The following LAMA2 variants were observed in gnomAD, a reference collection of about 807,000 sequenced individuals.
LAMA2 encodes laminin subunit alpha-2.
LAMA2 carries 269 observed loss-of-function variants against 364.8 expected under a neutral mutation model. The observed-to-expected ratio is 0.74, with a 90% CI of 0.67 to 0.82. The LOEUF (loss-of-function observed/expected upper bound fraction) is 0.82, where lower values mean the gene tolerates loss of function less well. LAMA2 is among the 40% of genes least tolerant of loss of function. The probability of loss-of-function intolerance (pLI) is 0.00; values close to 1 mark genes in which losing one functional copy is unlikely to be tolerated. For missense variants in LAMA2, 3,807 were observed against 3,873.2 expected, an observed-to-expected ratio of 0.98 and a Z score of 0.45; for synonymous variants, 1,379 against 1,370.6, an observed-to-expected ratio of 1.01 and a Z score of -0.14.
At chr6:129,295,568 A>G (rs766597333) in intron 20 of LAMA2, among the ~76,000 whole-genome samples, 1 of 152,212 alleles carries the variant, frequency 6.6e-6, no homozygotes, top group African/African-American at 2.4e-5. Context: ...GCTACAACTT[A>G]GCCTTTAAAG....
chr6:129,434,683 G>A, intron 41 of LAMA2, among the ~76,000 whole-genome samples: 1 of 151,992 alleles, frequency 6.6e-6, no homozygotes, highest in East Asian at 1.9e-4. Flanking sequence ...CTTACTTTTA[G>A]TTATGGATAC....
chr6:128,988,007 G>A (rs377221126), intron 1 of LAMA2, among the ~76,000 whole-genome samples: 5 of 152,094 alleles, frequency 3.3e-5, no homozygotes, highest in African/African-American at 1.2e-4. Context: ...TGGGATTACA[G>A]GCATCCGGCA....
At chr6:129,060,594 G>T (rs1293977957) in intron 3 of LAMA2, among the ~76,000 whole-genome samples, 1 of 152,184 alleles carries the variant, frequency 6.6e-6, no homozygotes, top group African/African-American at 2.4e-5. Flanking sequence ...CATCCTATTT[G>T]TATGCCTAAA....
intron 40 of LAMA2, among the ~76,000 whole-genome samples, chr6:129,420,595 T>TCTTTAAAAAGTTTA (rs1261491116): frequency 1.3e-5 from 2 of 152,182 alleles, no homozygotes; most frequent in East Asian, 3.8e-4. Flanking sequence ...GTTACTACTG[T>TCTTTAAAAAGTTTA]CTTTAAAAAG....
intron 7 of LAMA2, among the ~76,000 whole-genome samples, chr6:129,152,726 T>A (rs1369759687): frequency 6.6e-6 from 1 of 152,170 alleles, no homozygotes; most frequent in Non-Finnish European, 1.5e-5. Context: ...CCCGGCATCC[T>A]TGTCCTCCCA....
At chr6:129,031,514 A>G (rs1052390643) in intron 1 of LAMA2, among the ~76,000 whole-genome samples, 1 of 152,242 alleles carries the variant, frequency 6.6e-6, no homozygotes, top group East Asian at 1.9e-4. Context: ...GAAAAGACAC[A>G]CAAAAGAAGA....
At chr6:129,033,376 G>C (rs1240822586) in intron 1 of LAMA2, among the ~76,000 whole-genome samples, 1 of 152,098 alleles carries the variant, frequency 6.6e-6, no homozygotes, top group Admixed American at 6.6e-5. Flanking sequence ...TAAGGACCAG[G>C]GAGGGCCCAT....
intron 1 of LAMA2, among the ~76,000 whole-genome samples, chr6:128,987,656 G>A (rs752482358): frequency 2.0e-5 from 3 of 152,110 alleles, no homozygotes; most frequent in Admixed American, 2.0e-4. Flanking sequence ...GTTGATTGGG[G>A]CAGAGAAAAT....
chr6:129,143,933 T>C lies in LAMA2; in HGVS notation c.672T>C (p.Ser224=). ...IHISLINGRP[S]ADDPSPELLE... is the part of the protein sequence containing the mutation. ...TCTCTTTAATCAATGGGAGACCAAG[T>C]GCCGATGATCCTTCTCCAGAACTGC... The change falls in exon 5 of 65, where the codon AGT becomes AGC. Residue 224 remains serine, a synonymous_variant. Coordinates refer to ENST00000421865, the MANE Select transcript of LAMA2 (RefSeq NM_000426.4). The C allele has an allele frequency of 6.2e-7, 1 of 1,610,812 alleles. No homozygotes were observed. Among genetic ancestry groups the C allele is most frequent in the Non-Finnish European group, 8.5e-7 (1 of 1,177,478 alleles).
intron 12 of LAMA2, among the ~76,000 whole-genome samples, chr6:129,227,090 A>G (rs1257926239): frequency 2.0e-5 from 3 of 152,162 alleles, no homozygotes; most frequent in South Asian, 2.1e-4. Context: ...TTGATCTTCA[A>G]TCACTGATAC....
At chr6:129,457,751 A>G (rs1783045022) in intron 48 of LAMA2, among the ~76,000 whole-genome samples, 1 of 152,142 alleles carries the variant, frequency 6.6e-6, no homozygotes, top group African/African-American at 2.4e-5. Context: ...ATAAATAAAC[A>G]AACATTTATT....
At chr6:128,915,649 G>A (rs1000078613) in intron 1 of LAMA2, among the ~76,000 whole-genome samples, 3 of 152,178 alleles carry the variant, frequency 2.0e-5, no homozygotes, top group African/African-American at 7.2e-5. Flanking sequence ...ACTTGGCAGT[G>A]TCTTATATAA....
intron 1 of LAMA2, among the ~76,000 whole-genome samples, chr6:128,962,425 T>G (rs1170722832): frequency 1.3e-5 from 2 of 151,836 alleles, no homozygotes; most frequent in African/African-American, 4.8e-5. Flanking sequence ...GGTATGAAAC[T>G]CTTTAATTTT....
chr6:129,270,401 C>A (rs1364162502), intron 16 of LAMA2, among the ~76,000 whole-genome samples: 2 of 151,716 alleles, frequency 1.3e-5, no homozygotes, highest in African/African-American at 4.8e-5. Flanking sequence ...GAATTTCAAT[C>A]ATCTTTTTGT....
chr6:129,488,035 C>T (rs1211211308), intron 56 of LAMA2, among the ~76,000 whole-genome samples: 2 of 152,102 alleles, frequency 1.3e-5, no homozygotes, highest in African/African-American at 4.8e-5. Flanking sequence ...TTTAGCCGGG[C>T]GTGGTGGCTC....
intron 4 of LAMA2, among the ~76,000 whole-genome samples, chr6:129,138,246 G>T (rs1439276190): frequency 6.6e-6 from 1 of 152,030 alleles, no homozygotes; most frequent in African/African-American, 2.4e-5. Flanking sequence ...GCTCTGAAAG[G>T]TAAGCATATA....
chr6:129,290,885 A>G (rs1789646887), intron 19 of LAMA2, among the ~76,000 whole-genome samples: 1 of 152,134 alleles, frequency 6.6e-6, no homozygotes, highest in Non-Finnish European at 1.5e-5. Flanking sequence ...TGTAAAATAA[A>G]AGTGATTCTT....
chr6:129,041,599 T>C (rs915996636), intron 1 of LAMA2, among the ~76,000 whole-genome samples: 1 of 152,234 alleles, frequency 6.6e-6, no homozygotes, highest in Non-Finnish European at 1.5e-5. Context: ...ATCTTACATA[T>C]GTGTCATATT....
chr6:128,916,330 T>C (rs1485379909), intron 1 of LAMA2, among the ~76,000 whole-genome samples: 1 of 152,174 alleles, frequency 6.6e-6, no homozygotes, highest in Non-Finnish European at 1.5e-5. Flanking sequence ...TGATTCATAT[T>C]CCCATTTGTT....
Sources: allele counts gnomAD v4.1 joint callset (sites outside exome capture counted in the v4.1 genomes callset), GRCh38; gene constraint gnomAD v4.1.1; transcripts MANE v1.5; gene names NCBI Gene and HGNC (gene_info 2026-07-23, HGNC 2026-07-21).